Variants in ARAP2 observed in about 807,000 individuals in gnomAD.
ARAP2 encodes ArfGAP with RhoGAP domain, ankyrin repeat and PH domain 2, also known as arf-GAP with Rho-GAP domain, ANK repeat and PH domain-containing protein 2.
A neutral mutation model predicts 194.5 loss-of-function variants in ARAP2; 148 were observed. The observed-to-expected ratio is 0.76, with a 90% CI of 0.67 to 0.87. The LOEUF is 0.87. ARAP2 is among the 40% of genes least tolerant of loss of function. The probability of loss-of-function intolerance (pLI) is 0.00; values close to 1 mark genes in which losing one functional copy is unlikely to be tolerated. For synonymous variants in ARAP2, 695 were observed against 683.5 expected (o/e 1.02, Z -0.26); for missense variants, 2,128 against 1,989.7 (o/e 1.07, Z -1.32).
At chr4:36,212,671 AT>A (rs67460919) in intron 4 of ARAP2, among the ~76,000 whole-genome samples, 184 bp from the exon 5 acceptor site, 5 of 150,792 alleles carry the variant, frequency 3.3e-5, no homozygotes, top group South Asian at 2.1e-4. Flanking sequence ...CAGACTTTTG[AT>A]TTTTTTTTCA....
intron 5 of ARAP2, among the ~76,000 whole-genome samples, chr4:36,019,844 C>A (rs183000732): frequency 6.6e-6 from 1 of 152,090 alleles, no homozygotes; most frequent in South Asian, 2.1e-4. Flanking sequence ...AGTCCCATGA[C>A]AAACTTAGTA....
At chr4:36,105,867 C>G (rs1223860275) in intron 27 of ARAP2, among the ~76,000 whole-genome samples, 1 of 151,950 alleles carries the variant, frequency 6.6e-6, no homozygotes, top group Non-Finnish European at 1.5e-5. Context: ...ATTCACACAA[C>G]AGCAAAGGTA....
intron 7 of ARAP2, among the ~76,000 whole-genome samples, chr4:36,193,326 T>A (rs1339233075): frequency 6.6e-6 from 1 of 152,212 alleles, no homozygotes; most frequent in Non-Finnish European, 1.5e-5. Flanking sequence ...GAAAATTATG[T>A]TAGATTATGA....
At chr4:36,214,536 G>T in intron 2 of ARAP2, 56 bp from the exon 3 acceptor site, 2 of 1,167,648 alleles carry the variant, frequency 1.7e-6, no homozygotes, top group South Asian at 1.7e-5. Context: ...ATATTTATGA[G>T]TAAAATTAAA....
rs762231991 is a variant in ARAP2, at chr4:36,083,354, C to T, written c.4508+14G>A. ...ATAAGTTTTTCCTTTCAGCACTTCC[C>T]TTTCAAACTTTACCTTGTTGGAGGC... On this transcript the variant is annotated intron_variant, in intron 29 of 32. Coordinates refer to ENST00000303965, the MANE Select transcript of ARAP2 (RefSeq NM_015230.4). 3 of 1,582,486 alleles carry T rather than the reference C, an allele frequency of 1.9e-6. No individual in the cohort carries two copies. Among genetic ancestry groups the T allele is most frequent in the African/African-American group, 2.7e-5 (2 of 73,706 alleles).
intron 1 of ARAP2, among the ~76,000 whole-genome samples, chr4:36,233,612 A>T (rs893486233): frequency 6.6e-6 from 1 of 152,216 alleles, no homozygotes; most frequent in African/African-American, 2.4e-5. Flanking sequence ...ACTTTCTAGC[A>T]GTGTAAACAT....
chr4:36,191,485 T>C (rs1741893427), intron 7 of ARAP2, among the ~76,000 whole-genome samples: 1 of 149,904 alleles, frequency 6.7e-6, no homozygotes, highest in Non-Finnish European at 1.5e-5. Context: ...CACTAAAACC[T>C]CAGAATGTTG....
chr4:36,086,844 T>G (rs565663300), intron 28 of ARAP2, among the ~76,000 whole-genome samples: 2 of 152,254 alleles, frequency 1.3e-5, no homozygotes, highest in African/African-American at 4.8e-5. Context: ...GGTAATATTC[T>G]CTGAAACCTC....
intron 9 of ARAP2, among the ~76,000 whole-genome samples, chr4:36,171,734 G>C (rs1459796793): frequency 6.6e-6 from 1 of 151,966 alleles, no homozygotes; most frequent in Non-Finnish European, 1.5e-5. Context: ...GGACTAGCTA[G>C]CTCTTGTTAT....
downstream of ARAP2, among the ~76,000 whole-genome samples, chr4:36,062,200 A>G (rs76026148): frequency 2.6e-4 from 40 of 152,234 alleles, no homozygotes; most frequent in Non-Finnish European, 5.3e-4. Context: ...TTATGGGGAT[A>G]TTACTCAAGA....
chr4:36,219,627 TTTTATATGTAAATTATGTCTAGTTGA>T (rs1748721859), intron 2 of ARAP2, among the ~76,000 whole-genome samples: 1 of 152,194 alleles, frequency 6.6e-6, no homozygotes, highest in African/African-American at 2.4e-5. Flanking sequence ...AATTAGTCTA[TTTTATATGTAAATTATGTCTAGTTGA>T]TTTATATGTG....
chr4:36,009,933 G>T (rs1577515415), intron 9 of ARAP2, among the ~76,000 whole-genome samples: 1 of 151,746 alleles, frequency 6.6e-6, no homozygotes, highest in African/African-American at 2.4e-5. Flanking sequence ...AATGTTCAAG[G>T]TTATTTCATA....
intron 1 of ARAP2, among the ~76,000 whole-genome samples, chr4:36,238,203 T>C (rs1033296589): frequency 1.3e-5 from 2 of 152,218 alleles, no homozygotes; most frequent in South Asian, 2.1e-4. Context: ...TGACCTCCTC[T>C]GTACCCTGTT....
At chr4:36,125,549 C>T (rs1482283350) in intron 21 of ARAP2, among the ~76,000 whole-genome samples, 2 of 151,824 alleles carry the variant, frequency 1.3e-5, no homozygotes, top group Non-Finnish European at 2.9e-5. Flanking sequence ...GAAGTCAAGC[C>T]CAGGTCTTAA....
intron 2 of ARAP2, among the ~76,000 whole-genome samples, chr4:36,053,141 G>C (rs1230291642): frequency 6.6e-6 from 1 of 151,598 alleles, no homozygotes; most frequent in Non-Finnish European, 1.5e-5. Flanking sequence ...TGAGTAGCTG[G>C]GGTTACAGGC....
At chr4:36,199,765 C>T (rs1244800680) in intron 6 of ARAP2, among the ~76,000 whole-genome samples, 1 of 152,166 alleles carries the variant, frequency 6.6e-6, no homozygotes, top group Non-Finnish European at 1.5e-5. Flanking sequence ...ATCTAATATA[C>T]AGCATGGTGA....
chr4:36,141,684 T>G (rs932031995), intron 19 of ARAP2, among the ~76,000 whole-genome samples: 2 of 151,730 alleles, frequency 1.3e-5, no homozygotes, highest in Non-Finnish European at 2.9e-5. Flanking sequence ...GAAAAATATG[T>G]GAAATTAATT....
At chr4:36,080,308 A>G in intron 30 of ARAP2, 29 bp from the exon 31 acceptor site, 2 of 1,572,634 alleles carry the variant, frequency 1.3e-6, no homozygotes. Context: ...AAACTATGTC[A>G]TTCAAAAAGA....
At chr4:36,062,744 C>T (rs1724672485), downstream of ARAP2, among the ~76,000 whole-genome samples, 1 of 151,856 alleles carries the variant, frequency 6.6e-6, no homozygotes, top group Non-Finnish European at 1.5e-5. Flanking sequence ...AACTTTAACT[C>T]ATAAAAAGGG....
Sources: gnomAD v4.1 joint callset for allele counts (sites outside exome capture counted in the v4.1 genomes callset) on GRCh38, gnomAD v4.1.1 for gene constraint, MANE v1.5 for transcripts, NCBI Gene and HGNC (gene_info 2026-07-23, HGNC 2026-07-21) for gene names.